Variants in HHLA1 observed in about 807,000 individuals in gnomAD.
HHLA1 encodes HERV-H LTR-associating protein 1.
In HHLA1, 72 loss-of-function variants were observed where a neutral mutation model predicts 69.9. The ratio of observed to expected loss-of-function variants is 1.03; its 90% confidence interval spans 0.85 to 1.25. The LOEUF is 1.25. Ranked by LOEUF, HHLA1 falls within the 50% of genes most tolerant of loss-of-function variation. The pLI, the probability that HHLA1 is intolerant of heterozygous loss-of-function variation, is 0.00. For missense variants in HHLA1, 685 were observed against 642.2 expected (o/e 1.07, Z -0.72); for synonymous variants, 252 against 233.2 (o/e 1.08, Z -0.73).
At chr8:132,107,154 C>T (rs1212328415) in intron 1 of HHLA1, among the ~76,000 whole-genome samples, 6 of 152,056 alleles carry the variant, frequency 3.9e-5, no homozygotes, top group African/African-American at 9.6e-5. Flanking sequence ...CAGAGAAATA[C>T]GGAATTAAAA....
intron 10 of HHLA1, chr8:132,085,263 T>C (rs1438934828): frequency 5.9e-6 from 1 of 170,376 alleles, no homozygotes; most frequent in East Asian, 1.9e-4. Context: ...ATAAAACATA[T>C]CTCCTTTGCC....
chr8:132,082,383 G>A (rs1482253628), intron 10 of HHLA1, among the ~76,000 whole-genome samples: 6 of 152,148 alleles, frequency 3.9e-5, no homozygotes, highest in South Asian at 2.1e-4. Flanking sequence ...AAGGCTACAG[G>A]GTGTGGTCCT....
In HHLA1 at chr8:132,076,550, G is replaced by A. The variant is rs377087478; in HGVS notation, c.1172-7C>T. 1.3e-6 allele frequency: 2 copies of A among 1,513,516 alleles called. No individual in the cohort carries two copies. The highest frequency in any genetic ancestry group is 2.2e-5 in the Admixed American group (1 of 44,556). The allele number at this position is 1,513,516 out of a possible 1,614,324, so 93.8% of individuals were successfully genotyped here. ...GTGCCATGGGTGAATGCTCCTGGGA[G>A]GAGATGAGAGAGAGGTGAGCCTGCA... On this transcript the variant is annotated splice_polypyrimidine_tract_variant and splice_region_variant and intron_variant, in intron 12 of 16. Coordinates refer to ENST00000414222, the MANE Select transcript of HHLA1 (RefSeq NM_001145095.3).
chr8:132,093,259 T>C (rs1823972662), intron 7 of HHLA1, among the ~76,000 whole-genome samples: 1 of 152,194 alleles, frequency 6.6e-6, no homozygotes, highest in Non-Finnish European at 1.5e-5. Flanking sequence ...TACCAGTGGA[T>C]GGTGGGATAT....
At chr8:132,104,860 A>G (rs1250325399) in intron 2 of HHLA1, among the ~76,000 whole-genome samples, 5 of 152,178 alleles carry the variant, frequency 3.3e-5, no homozygotes, top group Non-Finnish European at 7.3e-5. Context: ...TTATGAAAAG[A>G]TCACTCAGGC....
At position 132,088,581 on chromosome 8, in the gene HHLA1, A is replaced by G. The variant is rs149311101; in HGVS notation, c.533-680T>C. ...CTCTCATAGGATAACAGGAAAATCC[A>G]AGGAGATAATGGGAGTGATGCACTA... On this transcript the variant is annotated intron_variant, in intron 8 of 16. Transcript: ENST00000414222. 7.5e-3 allele frequency among the ~76,000 whole-genome samples: 1,138 copies of G among 152,332 alleles called. 7 individuals carry two copies. The highest frequency in any genetic ancestry group is 0.011 in the Non-Finnish European group (775 of 68,020).
In HHLA1 at chr8:132,083,140, G is replaced by A. The variant is rs1823788718; in HGVS notation, c.677-3174C>T. ...GAGGCTTTGGATTGGGAAGAAGGGT[G>A]GCAATGAGATATAGCTGTAGTCCAG... On this transcript the variant is annotated intron_variant, in intron 10 of 16. Coordinates refer to ENST00000414222, the MANE Select transcript of HHLA1 (RefSeq NM_001145095.3). Among the ~76,000 whole-genome samples, 3 of 146,088 alleles carry A rather than the reference G, an allele frequency of 2.1e-5. No homozygotes were observed. In the South Asian group the frequency reaches 6.6e-4, roughly 32 times the overall value.
chr8:132,094,667 G>A (rs930463810), intron 7 of HHLA1, among the ~76,000 whole-genome samples: 6 of 151,888 alleles, frequency 4.0e-5, no homozygotes, highest in Admixed American at 1.3e-4. Flanking sequence ...TTTTCCCTCC[G>A]GCTTTCCCCT....
chr8:132,075,693 G>A (rs1823625387), intron 14 of HHLA1, among the ~76,000 whole-genome samples: 1 of 152,184 alleles, frequency 6.6e-6, no homozygotes, highest in Admixed American at 6.5e-5. Flanking sequence ...AAAGTGCCCA[G>A]CATGCTACCC....
At chr8:132,073,985 A>T (rs1823592301) in intron 14 of HHLA1, among the ~76,000 whole-genome samples, 1 of 152,110 alleles carries the variant, frequency 6.6e-6, no homozygotes, top group Non-Finnish European at 1.5e-5. Context: ...CAGTCAGAGG[A>T]ACCTTTCTGC....
In HHLA1 at chr8:132,079,956, G is replaced by C. The variant is rs1823717010; in HGVS notation, c.687C>G (p.Thr229=). Reference sequence around the variant, plus strand: ...GCTTTGAAGTCCTGGCAGTTCCCCTGGTAGCTGCACCTTCAGGGAGGCAGT... The same window carrying C: ...GCTTTGAAGTCCTGGCAGTTCCCCTCGTAGCTGCACCTTCAGGGAGGCAGT... ...SGLSGVLGAA[T]RGTARTSKPT... The change falls in exon 11 of 17, where the codon ACC becomes ACG. Residue 229 remains threonine (T), a synonymous_variant. Coordinates refer to ENST00000414222, the MANE Select transcript of HHLA1 (RefSeq NM_001145095.3). 1 of 1,552,260 alleles carries C rather than the reference G, an allele frequency of 6.4e-7. No homozygotes were observed. The highest frequency in any genetic ancestry group is 8.7e-7 in the Non-Finnish European group (1 of 1,147,116).
chr8:132,070,065 A>G (rs1462737275), intron 15 of HHLA1: 7 of 161,996 alleles, frequency 4.3e-5, no homozygotes, highest in South Asian at 1.4e-4. Flanking sequence ...GTGATGGAAA[A>G]TGGCTGTCCA....
At chr8:132,099,947 C>A in intron 4 of HHLA1, 128 bp downstream of exon 4, 1 of 671,104 alleles carries the variant, frequency 1.5e-6, no homozygotes, top group Non-Finnish European at 2.7e-6. Context: ...TCAACTTTTA[C>A]TTAATGATCA....
At chr8:132,107,240 C>G (rs546777925) in intron 1 of HHLA1, among the ~76,000 whole-genome samples, 1 of 152,206 alleles carries the variant, frequency 6.6e-6, no homozygotes, top group Admixed American at 6.5e-5. Flanking sequence ...TTGACTCTTG[C>G]TTCATTATGT....
chr8:132,083,031 TG>T (rs1316806536), intron 10 of HHLA1, among the ~76,000 whole-genome samples: 2,740 of 149,772 alleles, frequency 0.018, 93 homozygotes, highest in African/African-American at 0.066. Context: ...TGGTAAGGGG[TG>T]CATGATTGGT....
chr8:132,061,928 G>A lies in HHLA1; in HGVS notation c.*2067C>T, dbSNP rs1299966843. 6.6e-6 allele frequency: 1 copy of A among 152,198 alleles called. No homozygotes were observed. Among genetic ancestry groups the A allele is most frequent in the Non-Finnish European group, 1.5e-5 (1 of 68,050 alleles). The allele number at this position is 152,198 out of a possible 1,614,324, so 9.4% of individuals were successfully genotyped here. ...GCATTTGAGCTTCTTAAAGATTATA[G>A]TCATGCTCAGTCATTATTCCCAAAG... On this transcript the variant is annotated 3_prime_UTR_variant, in exon 17 of 17. Transcript: ENST00000414222.
intron 5 of HHLA1, among the ~76,000 whole-genome samples, chr8:132,097,465 T>G (rs1052541517): frequency 6.6e-6 from 1 of 151,888 alleles, no homozygotes; most frequent in Admixed American, 6.6e-5. Context: ...AAAATGGGAG[T>G]GAGAGTACCA....
intron 11 of HHLA1, among the ~76,000 whole-genome samples, chr8:132,079,232 A>G (rs1227115217): frequency 2.0e-5 from 3 of 152,236 alleles, no homozygotes; most frequent in Admixed American, 1.3e-4. Context: ...AGTCATTAAC[A>G]TATTCTTGGC....
In HHLA1 at chr8:132,079,962, T is replaced by C. The variant is rs1445446199; in HGVS notation, c.681A>G (p.Ala227=). ...FTSGLSGVLG[A]ATRGTARTSK... is the part of the protein sequence containing the mutation. ...AAGTCCTGGCAGTTCCCCTGGTAGCTGCACCTTCAGGGAGGCAGTCAATGG... is the reference window on the plus strand; with the variant it reads ...AAGTCCTGGCAGTTCCCCTGGTAGCCGCACCTTCAGGGAGGCAGTCAATGG... The change falls in exon 11 of 17, where the codon GCA becomes GCG. Residue 227 remains alanine, a synonymous_variant. Transcript: ENST00000414222. The C allele has an allele frequency of 6.4e-7, 1 of 1,552,358 alleles. No individual in the cohort carries two copies. Among genetic ancestry groups the C allele is most frequent in the East Asian group, 2.4e-5 (1 of 40,920 alleles).
Sources: gnomAD v4.1 joint callset for allele counts (sites outside exome capture counted in the v4.1 genomes callset) on GRCh38, gnomAD v4.1.1 for gene constraint, MANE v1.5 for transcripts, NCBI Gene and HGNC (gene_info 2026-07-23, HGNC 2026-07-21) for gene names.